Variants in STXBP3 observed in about 807,000 individuals in gnomAD.
STXBP3 encodes the protein syntaxin binding protein 3, also known as syntaxin-binding protein 3.
Under a neutral mutation model 85.7 loss-of-function variants are expected in STXBP3, and 41 were observed. The ratio of observed to expected loss-of-function variants is 0.48; its 90% CI spans 0.37 to 0.62. STXBP3 has a LOEUF of 0.62. Ranked by LOEUF, STXBP3 falls within the 20% of genes least tolerant of loss-of-function variation. STXBP3 has a pLI of 0.00. For missense variants in STXBP3, 563 were observed against 703.1 expected (o/e 0.80, Z 2.25); for synonymous variants, 229 against 231.7 (o/e 0.99, Z 0.10).
chr1:108,764,342 A>G (rs1662211704), intron 6 of STXBP3, among the ~76,000 whole-genome samples: 1 of 152,082 alleles, frequency 6.6e-6, no homozygotes, highest in African/African-American at 2.4e-5. Context: ...GCTATTGTGA[A>G]TAGTGCTGCA....
rs200625516 is a variant in STXBP3, at chr1:108,807,509, T to C, written c.1644T>C (p.Tyr548=). The change falls in exon 18 of 19, where the codon TAT becomes TAC. Residue 548 remains tyrosine, a synonymous_variant. Transcript: ENST00000370008. ...GITYSEVRCA[Y]EVSQAHKSCE... Reference sequence around the variant, plus strand: ...CATACTCTGAAGTGCGTTGTGCTTATGAAGTTTCTCAGGCACATAAATCCT... The same window carrying C: ...CATACTCTGAAGTGCGTTGTGCTTACGAAGTTTCTCAGGCACATAAATCCT... The C allele has an allele frequency of 9.9e-6, 16 of 1,613,136 alleles. No individual in the cohort carries two copies. The East Asian group carries it at 3.1e-4, about 31-fold the overall frequency.
Position 108,796,243 on chromosome 1 carries a change from C to G in STXBP3, c.1120C>G (p.Leu374Val). ...TTTTATTTTCATTAAGGACCTGGCA[C>G]TTGGAACTGATGCAGAAGGACAGAA... ...KLCKTEQDLA[L>V]GTDAEGQKVK... Residue 374 changes from leucine to valine, a missense_variant, in exon 14 of 19, where the codon CTT (leucine) becomes GTT (valine). By Grantham distance (32) the Leu-to-Val change is conservative. This residue lies in a region of STXBP3 where 494 missense variants were observed against 592.8 expected (regional missense o/e 0.83). Coordinates refer to ENST00000370008, the MANE Select transcript of STXBP3 (RefSeq NM_007269.4). 6.2e-7 allele frequency: 1 copy of G among 1,610,290 alleles called. No homozygotes were observed. The highest frequency in any genetic ancestry group is 1.3e-5 in the African/African-American group (1 of 74,832).
At chr1:108,791,357 G>C (rs1662970779) in intron 11 of STXBP3, among the ~76,000 whole-genome samples, 1 of 152,136 alleles carries the variant, frequency 6.6e-6, no homozygotes, top group Admixed American at 6.6e-5. Flanking sequence ...CATGGGGTTT[G>C]CTGAGCTTCT....
rs796642937 is a variant in STXBP3, at chr1:108,765,591, T to TTTTTTTTTTC, written c.438+5507_438+5508insTTTTTTTTCT. 2.0e-4 allele frequency among the ~76,000 whole-genome samples: 25 copies of TTTTTTTTTTC among 122,648 alleles called. 2 individuals are homozygous for TTTTTTTTTTC. Among genetic ancestry groups the TTTTTTTTTTC allele is most frequent in the Non-Finnish European group, 2.7e-4 (16 of 59,600 alleles). 80.5% of individuals were successfully genotyped at this position (122,648 alleles called of 152,430 possible). On this transcript the variant is annotated intron_variant, in intron 6 of 18. Coordinates refer to ENST00000370008, the MANE Select transcript of STXBP3 (RefSeq NM_007269.4). ...GCTAATTTTTTTTTTTTTTTTTTTT[T>TTTTTTTTTTC]TGAGACGGAGTCTCATTCCATCATC...
intron 12 of STXBP3, 59 bp from the exon 13 acceptor site, chr1:108,794,768 T>TA: frequency 6.8e-7 from 1 of 1,473,006 alleles, no homozygotes; most frequent in Non-Finnish European, 9.4e-7. Context: ...AGTTTAATAT[T>TA]ACCAGTTGCA....
chr1:108,773,410 A>G (rs894105744), intron 7 of STXBP3, among the ~76,000 whole-genome samples: 2 of 152,194 alleles, frequency 1.3e-5, no homozygotes, highest in African/African-American at 4.8e-5. Flanking sequence ...AATTGATATA[A>G]ACAAGAATTA....
At chr1:108,775,081 T>G (rs1340035741) in intron 7 of STXBP3, among the ~76,000 whole-genome samples, 1 of 152,158 alleles carries the variant, frequency 6.6e-6, no homozygotes, top group Non-Finnish European at 1.5e-5. Flanking sequence ...TATTGTACAA[T>G]TAATTTATTG....
In STXBP3 at chr1:108,759,887, C is replaced by T. The variant is rs922479480; in HGVS notation, c.338-98C>T. The T allele has an allele frequency of 4.2e-6, 3 of 721,072 alleles. No homozygotes were observed. In the East Asian group the frequency reaches 8.7e-5, roughly 21 times the overall value. The allele number at this position is 721,072 out of a possible 1,614,324, so 44.7% of individuals were successfully genotyped here. A position where few individuals can be genotyped will look rare whatever the true frequency, so the allele number is the denominator to read the frequency against. ...ATGTCCTCATAATAACTGTGAAAGC[C>T]AGTAATTATGTATAACTATTCTTGG... On this transcript the variant is annotated intron_variant, in intron 5 of 18. Transcript: ENST00000370008.
chr1:108,806,819 A>G (rs746896987), intron 17 of STXBP3, among the ~76,000 whole-genome samples: 8 of 152,130 alleles, frequency 5.3e-5, no homozygotes, highest in Non-Finnish European at 1.2e-4. Context: ...TTATGAAATA[A>G]TAAGGGAGGT....
intron 2 of STXBP3, among the ~76,000 whole-genome samples, chr1:108,752,577 C>T (rs940643991): frequency 2.0e-5 from 3 of 152,200 alleles, no homozygotes; most frequent in Admixed American, 6.5e-5. Context: ...TCTGGAATCA[C>T]ACTGCTTGGC....
intron 8 of STXBP3, 30 bp downstream of exon 8, chr1:108,776,453 G>A (rs747044121): frequency 2.7e-6 from 4 of 1,506,228 alleles, no homozygotes; most frequent in Non-Finnish European, 3.6e-6. Context: ...TAATGACTAT[G>A]CATAAAGTCT....
intron 6 of STXBP3, among the ~76,000 whole-genome samples, chr1:108,760,473 TTAATTTA>T (rs1662116125): frequency 6.6e-6 from 1 of 152,064 alleles, no homozygotes; most frequent in Admixed American, 6.6e-5. Flanking sequence ...GTAAATTATT[TTAATTTA>T]TAAAGTGAGG....
intron 3 of STXBP3, among the ~76,000 whole-genome samples, chr1:108,754,910 T>A (rs1306002731): frequency 6.6e-6 from 1 of 152,166 alleles, no homozygotes; most frequent in Non-Finnish European, 1.5e-5. Context: ...ATGGTTTAAT[T>A]GTAGTCATAT....
In STXBP3 at chr1:108,796,379, G is replaced by A. The variant is rs763827412; in HGVS notation, c.1249+7G>A. ...TATATCTTCAGTATTAATGGTAATG[G>A]AGATAATCACTTTTTAATAAGTATT... On this transcript the variant is annotated splice_region_variant and intron_variant, in intron 14 of 18. Coordinates refer to ENST00000370008, the MANE Select transcript of STXBP3 (RefSeq NM_007269.4). The A allele has an allele frequency of 1.7e-5, 25 of 1,457,006 alleles. No individual in the cohort carries two copies. The highest frequency in any genetic ancestry group is 2.4e-5 in the Non-Finnish European group (25 of 1,050,482). 90.3% of individuals were successfully genotyped at this position (1,457,006 alleles called of 1,614,324 possible). A position where few individuals can be genotyped will look rare whatever the true frequency, so the allele number is the denominator to read the frequency against.
At chr1:108,775,130 G>A (rs752704630) in intron 7 of STXBP3, among the ~76,000 whole-genome samples, 3 of 151,988 alleles carry the variant, frequency 2.0e-5, no homozygotes, top group Non-Finnish European at 2.9e-5. Context: ...TGTACAAAGA[G>A]TTGAATTACC....
chr1:108,783,308 C>A (rs1187583248), intron 11 of STXBP3, among the ~76,000 whole-genome samples: 1 of 152,218 alleles, frequency 6.6e-6, no homozygotes, highest in African/African-American at 2.4e-5. Context: ...CTTATATATA[C>A]CCTTGAAACC....
intron 17 of STXBP3, among the ~76,000 whole-genome samples, chr1:108,801,662 T>TA (rs927494883): frequency 6.6e-6 from 1 of 151,216 alleles, no homozygotes; most frequent in Admixed American, 6.6e-5. Flanking sequence ...TTTTAATTTT[T>TA]TTTTTTTTTT....
intron 11 of STXBP3, among the ~76,000 whole-genome samples, chr1:108,790,774 A>G (rs1223607784): frequency 2.0e-5 from 3 of 152,078 alleles, no homozygotes; most frequent in Non-Finnish European, 2.9e-5. Context: ...GTTTAATAGT[A>G]TGTCCTGAAT....
intron 5 of STXBP3, 85 bp downstream of exon 5, chr1:108,758,673 G>T: frequency 1.7e-6 from 1 of 586,254 alleles, no homozygotes; most frequent in East Asian, 3.2e-5. Context: ...AGCCCAAAAT[G>T]TCATTAAAGT....
Sources: allele counts gnomAD v4.1 joint callset (sites outside exome capture counted in the v4.1 genomes callset), GRCh38; gene constraint gnomAD v4.1.1; regional missense constraint gnomAD v4.1.1; transcripts MANE v1.5; gene names NCBI Gene and HGNC (gene_info 2026-07-23, HGNC 2026-07-21).